Variants in CWF19L2 observed in about 807,000 individuals in gnomAD.
CWF19L2 encodes the protein CWF19 like cell cycle control factor 2, also known as CWF19-like protein 2.
A neutral mutation model predicts 111.7 loss-of-function variants in CWF19L2; 98 were observed. That is an observed-to-expected ratio of 0.88 (90% confidence interval 0.75 to 1.04). CWF19L2 has a LOEUF of 1.04. Ranked by LOEUF, CWF19L2 falls within the 50% of genes least tolerant of loss-of-function variation. The pLI, the probability that CWF19L2 is intolerant of heterozygous loss-of-function variation, is 0.00. For synonymous variants in CWF19L2, 351 were observed against 342.9 expected (o/e 1.02, Z -0.26); for missense variants, 1,101 against 1,051.4 (o/e 1.05, Z -0.65).
chr11:107,422,264 G>A (rs1334381077), intron 8 of CWF19L2, among the ~76,000 whole-genome samples: 2 of 151,890 alleles, frequency 1.3e-5, no homozygotes, highest in Admixed American at 6.6e-5. Flanking sequence ...TTCATGTGAT[G>A]TAAAAACTAC....
intron 14 of CWF19L2, among the ~76,000 whole-genome samples, chr11:107,347,092 A>G (rs1389363495): frequency 2.0e-5 from 3 of 152,358 alleles, no homozygotes; most frequent in South Asian, 2.1e-4. Flanking sequence ...TGTAAAAATG[A>G]TAACAATAAA....
chr11:107,338,324 ATTTC>A (rs1461295847), intron 14 of CWF19L2, among the ~76,000 whole-genome samples: 2 of 152,024 alleles, frequency 1.3e-5, no homozygotes. Flanking sequence ...TGTGTTCCTG[ATTTC>A]TTTAATTCTG....
intron 10 of CWF19L2, among the ~76,000 whole-genome samples, chr11:107,402,869 G>GTATATATATATATATATATA (rs1491324734): frequency 9.1e-5 from 2 of 22,022 alleles, no homozygotes; most frequent in African/African-American, 3.4e-4. Context: ...ACAAACTGTG[G>GTATATATATATATATATATA]TGTGTATATA....
At chr11:107,430,893 ATAAC>A (rs72061431) in intron 7 of CWF19L2, among the ~76,000 whole-genome samples, 14,387 of 152,012 alleles carry the variant, frequency 0.095, 896 homozygotes, top group Non-Finnish European at 0.14. Context: ...AAAAAGGAGA[ATAAC>A]TACGTAAGAT....
intron 10 of CWF19L2, among the ~76,000 whole-genome samples, chr11:107,408,451 T>C (rs568142924): frequency 4.6e-5 from 7 of 152,022 alleles, no homozygotes; most frequent in South Asian, 2.1e-4. Flanking sequence ...GCAGGTAAAA[T>C]TGTCACCATT....
At chr11:107,428,154 T>A (rs1230740730) in intron 8 of CWF19L2, among the ~76,000 whole-genome samples, 2 of 152,138 alleles carry the variant, frequency 1.3e-5, no homozygotes, top group Non-Finnish European at 2.9e-5. Flanking sequence ...AAGCAAATTT[T>A]CTTAGGTTTA....
chr11:107,357,470 T>C (rs1234172162), intron 12 of CWF19L2, among the ~76,000 whole-genome samples: 1 of 152,224 alleles, frequency 6.6e-6, no homozygotes, highest in Admixed American at 6.5e-5. Flanking sequence ...AGTTCATAAA[T>C]GATCACAGAA....
intron 2 of CWF19L2, among the ~76,000 whole-genome samples, chr11:107,454,804 T>C (rs1861830494): frequency 6.6e-6 from 1 of 152,144 alleles, no homozygotes; most frequent in African/African-American, 2.4e-5. Flanking sequence ...AGAAAAATAC[T>C]GGGAAAATTT....
chr11:107,338,009 G>A (rs1859953282), intron 14 of CWF19L2, among the ~76,000 whole-genome samples: 1 of 152,094 alleles, frequency 6.6e-6, no homozygotes, highest in Non-Finnish European at 1.5e-5. Context: ...AACACTGAGA[G>A]CAATTCCAAC....
At chr11:107,390,234 A>G (rs1860828490) in intron 11 of CWF19L2, 23 bp from the exon 12 acceptor site, 11 of 1,550,336 alleles carry the variant, frequency 7.1e-6, no homozygotes, top group African/African-American at 1.4e-5. Context: ...GAACATTATT[A>G]ATTTAATGAA....
intron 7 of CWF19L2, among the ~76,000 whole-genome samples, chr11:107,430,763 T>C (rs999636109): frequency 6.6e-6 from 1 of 152,032 alleles, no homozygotes; most frequent in African/African-American, 2.4e-5. Context: ...AAGTTTCCAT[T>C]ATGTAAGATA....
At chr11:107,430,950 A>G (rs1861457889) in intron 7 of CWF19L2, among the ~76,000 whole-genome samples, 1 of 152,052 alleles carries the variant, frequency 6.6e-6, no homozygotes, top group South Asian at 2.1e-4. Flanking sequence ...TTATTTCCCC[A>G]TGCATATCAA....
intron 3 of CWF19L2, among the ~76,000 whole-genome samples, chr11:107,446,194 G>C (rs1383388179): frequency 6.6e-6 from 1 of 152,148 alleles, no homozygotes; most frequent in Non-Finnish European, 1.5e-5. Flanking sequence ...ATTCCCTACT[G>C]AATAAAGTCA....
intron 14 of CWF19L2, among the ~76,000 whole-genome samples, chr11:107,342,581 T>A (rs1249456301): frequency 1.3e-5 from 2 of 152,038 alleles, no homozygotes; most frequent in Non-Finnish European, 2.9e-5. Flanking sequence ...CAAGATAGAG[T>A]CTATGCTCTG....
rs113228071 is a variant in CWF19L2, at chr11:107,382,050, C to A, written c.1872+8024G>T. Among the ~76,000 whole-genome samples, 26 of 151,978 alleles carry A rather than the reference C, an allele frequency of 1.7e-4. 1 individual carries two copies. The highest frequency in any genetic ancestry group is 4.3e-4 in the African/African-American group (18 of 41,380). ...ATAAAATTACTGCCCACAGTCTCAA[C>A]AAAATTAATGAGGAAAGATGTATAT... is the stretch of plus-strand genomic sequence containing the variant. On this transcript the variant is annotated intron_variant, in intron 12 of 17. Transcript: ENST00000282251.
At chr11:107,373,782 C>T (rs1229718819) in intron 12 of CWF19L2, among the ~76,000 whole-genome samples, 2 of 133,616 alleles carry the variant, frequency 1.5e-5, no homozygotes, top group East Asian at 2.2e-4. Flanking sequence ...ATGACTTTGA[C>T]GAGCTGAGAG....
intron 16 of CWF19L2, 45 bp from the exon 17 acceptor site, chr11:107,330,064 G>A (rs374125646): frequency 1.6e-6 from 2 of 1,222,706 alleles, no homozygotes; most frequent in African/African-American, 3.1e-5. Flanking sequence ...TATGAAACCA[G>A]AAAGTTATGT....
chr11:107,371,278 C>A (rs978972896), intron 12 of CWF19L2, among the ~76,000 whole-genome samples: 6 of 137,568 alleles, frequency 4.4e-5, no homozygotes, highest in Non-Finnish European at 9.3e-5. Flanking sequence ...GCTGGGATTA[C>A]AGGCGTGAGC....
At chr11:107,410,421 G>C (rs1270840050) in intron 10 of CWF19L2, among the ~76,000 whole-genome samples, 2 of 152,152 alleles carry the variant, frequency 1.3e-5, no homozygotes, top group East Asian at 3.8e-4. Flanking sequence ...GCTTGAACCA[G>C]ATGTGCAAGT....
Sources: gnomAD v4.1 joint callset for allele counts (sites outside exome capture counted in the v4.1 genomes callset) on GRCh38, gnomAD v4.1.1 for gene constraint, MANE v1.5 for transcripts, NCBI Gene and HGNC (gene_info 2026-07-23, HGNC 2026-07-21) for gene names.